Variants in CD40 observed in about 807,000 individuals in gnomAD.
CD40 encodes the protein CD40 molecule.
CD40 carries 19 observed loss-of-function variants against 38.5 expected under a neutral mutation model. The ratio of observed to expected loss-of-function variants is 0.49; its 90% CI spans 0.34 to 0.72. The LOEUF (loss-of-function observed/expected upper bound fraction) is 0.72. Among genes scored for constraint, CD40 ranks in the 30% least tolerant of loss-of-function variants. The pLI, the probability that CD40 is intolerant of heterozygous loss-of-function variation, is 0.01. For missense variants in CD40, 256 were observed against 344.1 expected, an observed-to-expected ratio of 0.74 and a Z score of 2.03; for synonymous variants, 130 against 128.7, an observed-to-expected ratio of 1.01 and a Z score of -0.07.
intron 6 of CD40, chr20:46,127,180 T>TGC: frequency 5.9e-6 from 1 of 168,182 alleles, no homozygotes; most frequent in Non-Finnish European, 1.3e-5. Context: ...CTTTGCTTTT[T>TGC]CTCAAAATGT....
At chr20:46,125,718 C>T (rs2085422483) in intron 5 of CD40, among the ~76,000 whole-genome samples, 1 of 152,094 alleles carries the variant, frequency 6.6e-6, no homozygotes, top group African/African-American at 2.4e-5. Context: ...TATATGTTTG[C>T]TGTGTCTCCT....
At chr20:46,126,938 T>G (rs2085449315) in intron 6 of CD40, 1 of 614,364 alleles carries the variant, frequency 1.6e-6, no homozygotes, top group South Asian at 1.9e-5. Context: ...GGTTTTGATT[T>G]TAGAGTGAGA....
Position 46,123,107 on chromosome 20 carries a change from C to T in CD40, c.404-19C>T. The T allele has an allele frequency of 1.3e-6, 2 of 1,594,080 alleles. No homozygotes were observed. The highest frequency in any genetic ancestry group is 1.1e-5 in the South Asian group (1 of 90,714). The stretch of plus-strand genomic sequence containing the variant: ...GGTCCACTGTGATGGTTAATGTCCC[C>T]CTCCCCACCCACTCCCAGCTACAGG... On this transcript the variant is annotated intron_variant, in intron 4 of 8. Transcript: ENST00000372285.
intron 4 of CD40, 22 bp from the exon 5 acceptor site, chr20:46,123,104 C>G: frequency 6.3e-7 from 1 of 1,579,280 alleles, no homozygotes; most frequent in Non-Finnish European, 8.7e-7. Flanking sequence ...TGGTTAATGT[C>G]CCCCTCCCCA....
At chr20:46,123,923 C>T (rs1046180011) in intron 5 of CD40, among the ~76,000 whole-genome samples, 4 of 152,226 alleles carry the variant, frequency 2.6e-5, no homozygotes, top group Non-Finnish European at 4.4e-5. Context: ...TTTCCTGCAT[C>T]GCATAGCTTC....
chr20:46,123,924 G>A (rs764203318), intron 5 of CD40, among the ~76,000 whole-genome samples: 2 of 152,106 alleles, frequency 1.3e-5, no homozygotes, highest in Non-Finnish European at 2.9e-5. Flanking sequence ...TTCCTGCATC[G>A]CATAGCTTCA....
At chr20:46,123,009 G>C (rs1200967783) in intron 4 of CD40, 117 bp from the exon 5 acceptor site, 2 of 940,298 alleles carry the variant, frequency 2.1e-6, no homozygotes, top group African/African-American at 1.6e-5. Context: ...GTACCACATC[G>C]GGGGAAGAGT....
rs780015926 is a variant in CD40, at chr20:46,124,751, GTTTTTTTTTTTTT to G, written c.497+1553_497+1565del. Among the ~76,000 whole-genome samples the G allele has an allele frequency of 3.1e-3, 229 of 73,946 alleles. 1 individual carries two copies. The highest frequency in any genetic ancestry group is 0.011 in the African/African-American group (193 of 18,146). The allele number at this position is 73,946 out of a possible 152,430, so 48.5% of individuals were successfully genotyped here. On this transcript the variant is annotated intron_variant, in intron 5 of 8. Coordinates refer to ENST00000372285, the MANE Select transcript of CD40 (RefSeq NM_001250.6). Reference sequence around the variant, plus strand: ...GATAACTGGAGGCACCACTGGTATAGTTTTTTTTTTTTTTTTTTTTTTTTTTTTTTTTTGAGAC... The same window carrying G: ...GATAACTGGAGGCACCACTGGTATAGTTTTTTTTTTTTTTTTTTTTGAGAC...
At chr20:46,124,751 G>GTTTTTT (rs780015926) in intron 5 of CD40, among the ~76,000 whole-genome samples, 1,116 of 73,882 alleles carry the variant, frequency 0.015, 257 homozygotes, top group Non-Finnish European at 0.021. Context: ...CACTGGTATA[G>GTTTTTT]TTTTTTTTTT....
At position 46,129,007 on chromosome 20, in the gene CD40, A is replaced by G; in HGVS notation, c.801A>G (p.Lys267=). The change falls in exon 9 of 9, where the codon AAA becomes AAG. Residue 267 remains lysine, a synonymous_variant. Coordinates refer to ENST00000372285, the MANE Select transcript of CD40 (RefSeq NM_001250.6). ...AACCGGTCACCCAGGAGGATGGCAA[A>G]GAGAGTCGCATCTCAGTGCAGGAGA... The part of the protein sequence containing the change: ...GCQPVTQEDG[K]ESRISVQERQ 6.2e-7 allele frequency: 1 copy of G among 1,614,168 alleles called. No homozygotes were observed. Among genetic ancestry groups the G allele is most frequent in the Non-Finnish European group, 8.5e-7 (1 of 1,180,018 alleles).
intron 1 of CD40, among the ~76,000 whole-genome samples, chr20:46,120,501 C>T (rs2085296424): frequency 6.6e-6 from 1 of 152,238 alleles, no homozygotes; most frequent in Non-Finnish European, 1.5e-5. Flanking sequence ...CATACACTTA[C>T]TTTACAGTTC....
intron 5 of CD40, 73 bp downstream of exon 5, chr20:46,123,292 T>C (rs905105324): frequency 8.8e-7 from 1 of 1,133,396 alleles, no homozygotes; most frequent in Non-Finnish European, 1.3e-6. Context: ...TCCAGCCACC[T>C]GTCCTGTCCC....
At chr20:46,125,583 A>T (rs151019328) in intron 5 of CD40, among the ~76,000 whole-genome samples, 1 of 145,840 alleles carries the variant, frequency 6.9e-6, no homozygotes, top group Non-Finnish European at 1.5e-5. Flanking sequence ...ACTAAAGTAC[A>T]TGGTTTCTTC....
chr20:46,124,019 C>T (rs956306614), intron 5 of CD40, among the ~76,000 whole-genome samples: 1 of 152,348 alleles, frequency 6.6e-6, no homozygotes, highest in Admixed American at 6.5e-5. Context: ...GGGCCCCAGG[C>T]CAGGCGCGGT....
chr20:46,120,305 G>T (rs1203162074), intron 1 of CD40, among the ~76,000 whole-genome samples: 1 of 152,230 alleles, frequency 6.6e-6, no homozygotes, highest in Non-Finnish European at 1.5e-5. Context: ...CCAACCTGCA[G>T]GGCAGGCATT....
At chr20:46,123,342 C>A in intron 5 of CD40, 123 bp downstream of exon 5, 1 of 863,942 alleles carries the variant, frequency 1.2e-6, no homozygotes, top group Non-Finnish European at 2.0e-6. Context: ...ACTTGTGAAG[C>A]ATCTGCAGAG....
chr20:46,120,277 C>T (rs2085292381), intron 1 of CD40, among the ~76,000 whole-genome samples: 1 of 152,220 alleles, frequency 6.6e-6, no homozygotes, highest in Admixed American at 6.5e-5. Flanking sequence ...TACATGTATT[C>T]TTTCTTATCT....
chr20:46,122,907 C>CG lies in CD40; in HGVS notation c.403+154dup, dbSNP rs1312650222. 1 of 1,045,400 alleles carries CG rather than the reference C, an allele frequency of 9.6e-7. No homozygotes were observed. The highest frequency in any genetic ancestry group is 1.5e-5 in the South Asian group (1 of 66,906). The allele number at this position is 1,045,400 out of a possible 1,614,324, so 64.8% of individuals were successfully genotyped here. On this transcript the variant is annotated intron_variant, in intron 4 of 8. Coordinates refer to ENST00000372285, the MANE Select transcript of CD40 (RefSeq NM_001250.6). This position sits in a 1 kb window ranked among gnomAD's most constrained non-coding sequence, Gnocchi z 5.0. ...TATCCCCACTGGAGTGAGCTGCAGA[C>CG]GGGACCTTGTTCATTCTGCCTTCTG... is the stretch of plus-strand genomic sequence containing the variant.
In CD40 at chr20:46,122,109, T is replaced by C. The variant is rs1304161209; in HGVS notation, c.131-124T>C. ...AGCTTCTCCATCTTCCTCGCCTGAT[T>C]ATGAAGGATCCAAGACTTTCATCTT... On this transcript the variant is annotated intron_variant, in intron 2 of 8. Coordinates refer to ENST00000372285, the MANE Select transcript of CD40 (RefSeq NM_001250.6). The surrounding 1 kb of genome is among the most constrained non-coding windows in gnomAD (Gnocchi z 5.0). The C allele has an allele frequency of 1.1e-5, 14 of 1,305,536 alleles. No individual in the cohort carries two copies. The highest frequency in any genetic ancestry group is 1.8e-5 in the Admixed American group (1 of 56,832). 80.9% of individuals were successfully genotyped at this position (1,305,536 alleles called of 1,614,324 possible). A position where few individuals can be genotyped will look rare whatever the true frequency, so the allele number is the denominator to read the frequency against.
Sources: allele counts gnomAD v4.1 joint callset (sites outside exome capture counted in the v4.1 genomes callset), GRCh38; gene constraint gnomAD v4.1.1; non-coding constraint Gnocchi (gnomAD v3.1); transcripts MANE v1.5; gene names NCBI Gene and HGNC (gene_info 2026-07-23, HGNC 2026-07-21).